The following CCDC191 variants were observed in gnomAD, a reference collection of about 807,000 sequenced individuals.
CCDC191 encodes coiled-coil domain-containing protein 191.
In CCDC191, 99 loss-of-function variants were observed where a neutral mutation model predicts 114.0. That is an observed-to-expected ratio of 0.87 (90% confidence interval 0.74 to 1.03). The LOEUF (loss-of-function observed/expected upper bound fraction) is 1.03. Ranked by LOEUF, CCDC191 falls within the 50% of genes least tolerant of loss-of-function variation. CCDC191 has a pLI of 0.00. For synonymous variants in CCDC191, 351 were observed against 376.0 expected, an observed-to-expected ratio of 0.93 and a Z score of 0.77; for missense variants, 973 against 1,087.0, an observed-to-expected ratio of 0.90 and a Z score of 1.47.
chr3:113,978,780 A>G (rs2075030827), intron 15 of CCDC191, 78 bp downstream of exon 15: 1 of 1,470,800 alleles, frequency 6.8e-7, no homozygotes, highest in Non-Finnish European at 9.3e-7. Flanking sequence ...GACCCTGGAC[A>G]TTCTGGATTT....
chr3:114,018,943 C>T lies in CCDC191; in HGVS notation c.973-75G>A, dbSNP rs911775737. On this transcript the variant is annotated intron_variant, in intron 7 of 16. Transcript: ENST00000295878. ...TAATATCTAACACTGACAGCCCTCT[C>T]CTCAGATTTTCCCCTCACACTTTTA... The T allele has an allele frequency of 4.5e-6, 6 of 1,337,676 alleles. No individual in the cohort carries two copies. In the Admixed American group the frequency reaches 1.3e-4, roughly 28 times the overall value. The allele number at this position is 1,337,676 out of a possible 1,614,324, so 82.9% of individuals were successfully genotyped here.
In CCDC191 at chr3:114,019,387, A is replaced by G. The variant is rs79562287; in HGVS notation, c.973-519T>C. 1.7e-3 allele frequency among the ~76,000 whole-genome samples: 261 copies of G among 152,254 alleles called. 5 individuals carry two copies. In the East Asian group the frequency reaches 0.027, roughly 16 times the overall value. On this transcript the variant is annotated intron_variant, in intron 7 of 16. Transcript: ENST00000295878. ...AAAATCAGCTGGGCTACTACCACTGACCACTTTAGGGCTTTGGTGAGTCTA... is the reference window on the plus strand; with the variant it reads ...AAAATCAGCTGGGCTACTACCACTGGCCACTTTAGGGCTTTGGTGAGTCTA...
chr3:114,003,221 T>C (rs1401368255), intron 11 of CCDC191: 1 of 985,406 alleles, frequency 1.0e-6, no homozygotes, highest in Non-Finnish European at 1.2e-6. Context: ...TATGACTCTA[T>C]AATCAGTTGG....
intron 7 of CCDC191, among the ~76,000 whole-genome samples, chr3:114,023,049 T>C (rs1022700569): frequency 5.3e-5 from 8 of 152,154 alleles, no homozygotes; most frequent in Non-Finnish European, 8.8e-5. Context: ...ACCATAAGCA[T>C]TGTTATACAC....
At position 113,978,160 on chromosome 3, in the gene CCDC191, A is replaced by G. The variant is rs372003519; in HGVS notation, c.2606+26T>C. The G allele has an allele frequency of 3.7e-5, 59 of 1,612,942 alleles. No homozygotes were observed. In the South Asian group the frequency reaches 5.8e-4, roughly 16 times the overall value. Reference sequence around the variant, plus strand: ...TGAGCAATTGTGAAGTCAGAGAGTGAATTTTCCTCACTATCAAAACCTCAC... The same window carrying G: ...TGAGCAATTGTGAAGTCAGAGAGTGGATTTTCCTCACTATCAAAACCTCAC... On this transcript the variant is annotated intron_variant, in intron 16 of 16. Transcript: ENST00000295878.
intron 13 of CCDC191, among the ~76,000 whole-genome samples, chr3:113,998,596 C>T (rs536636148): frequency 3.9e-5 from 6 of 152,274 alleles, no homozygotes; most frequent in African/African-American, 1.4e-4. Context: ...GCTGACCTGA[C>T]TAAAGGCACT....
intron 13 of CCDC191, among the ~76,000 whole-genome samples, chr3:113,995,044 T>A (rs1238451809): frequency 6.6e-6 from 1 of 152,350 alleles, no homozygotes; most frequent in African/African-American, 2.4e-5. Context: ...ACCGAGCTTT[T>A]GACTCCTGCA....
At chr3:114,003,368 C>G (rs2075889910) in intron 11 of CCDC191, 2 of 985,098 alleles carry the variant, frequency 2.0e-6, no homozygotes, top group African/African-American at 3.5e-5. Flanking sequence ...AATTAATAAA[C>G]AAAAAACTCA....
intron 13 of CCDC191, among the ~76,000 whole-genome samples, chr3:113,988,144 AAAG>A (rs778136760): frequency 3.3e-5 from 5 of 151,810 alleles, no homozygotes; most frequent in Non-Finnish European, 7.4e-5. Context: ...GGTAGGGAAA[AAAG>A]AAAAACAAAG....
At chr3:113,999,899 T>C (rs1324110431) in intron 13 of CCDC191, among the ~76,000 whole-genome samples, 1 of 152,248 alleles carries the variant, frequency 6.6e-6, no homozygotes, top group East Asian at 1.9e-4. Context: ...AGAGTAAACA[T>C]CACACAAGGA....
intron 7 of CCDC191, among the ~76,000 whole-genome samples, chr3:114,030,365 T>C (rs2076387833): frequency 1.3e-5 from 2 of 152,288 alleles, no homozygotes; most frequent in Admixed American, 1.3e-4. Context: ...CATGGTATTT[T>C]TTCCTTATGT....
At chr3:114,004,133 C>CA in intron 11 of CCDC191, 2 of 956,834 alleles carry the variant, frequency 2.1e-6, no homozygotes, top group Non-Finnish European at 1.2e-6. Context: ...CTAGATGCAT[C>CA]AAAAATGTTA....
chr3:113,995,794 C>T (rs1256276041), intron 13 of CCDC191, among the ~76,000 whole-genome samples: 6 of 152,282 alleles, frequency 3.9e-5, no homozygotes, highest in African/African-American at 1.4e-4. Context: ...TCTTTTGTTT[C>T]TTGACTTTTT....
chr3:114,053,937 G>A (rs1370155518), intron 1 of CCDC191, among the ~76,000 whole-genome samples: 1 of 151,610 alleles, frequency 6.6e-6, no homozygotes, highest in Non-Finnish European at 1.5e-5. Flanking sequence ...CCTCCTTAGG[G>A]TTAAGAGTCA....
intron 1 of CCDC191, among the ~76,000 whole-genome samples, chr3:114,055,455 A>T (rs960820811): frequency 9.2e-5 from 14 of 152,250 alleles, no homozygotes; most frequent in Non-Finnish European, 1.8e-4. Flanking sequence ...CTAGGGCAAC[A>T]TATTTGTCAT....
intron 6 of CCDC191, 48 bp from the exon 7 acceptor site, chr3:114,031,827 AAATGAGCAATTAC>A (rs1475475072): frequency 1.2e-5 from 10 of 862,814 alleles, no homozygotes; most frequent in Non-Finnish European, 1.8e-5. Context: ...ATAGATTTAA[AAATGAGCAATTAC>A]AACCTACTGT....
Position 114,004,736 on chromosome 3 carries a change from C to A in CCDC191, c.1879G>T (p.Ala627Ser), listed in dbSNP as rs754789035. ...CTTCTGCCTTCAGTCCCAGGGGAAGCAACAGGTGAACTAGGGAAAAAATAA... is the reference window on the plus strand; with the variant it reads ...CTTCTGCCTTCAGTCCCAGGGGAAGAAACAGGTGAACTAGGGAAAAAATAA... The part of the protein sequence containing the change: ...TCQMLVNSPV[A>S]SPGTEGRSDS... Residue 627 changes from alanine (A) to serine (S), a missense_variant, in exon 11 of 17, where the codon GCT becomes TCT. Physicochemically the swap from Ala to Ser is moderately conservative, Grantham distance 99. Transcript: ENST00000295878. 1 of 1,609,112 alleles carries A rather than the reference C, an allele frequency of 6.2e-7. No individual in the cohort carries two copies. Among genetic ancestry groups the A allele is most frequent in the African/African-American group, 1.3e-5 (1 of 74,340 alleles).
chr3:114,001,735 A>G (rs1195803928), intron 12 of CCDC191, 39 bp from the exon 13 acceptor site: 1 of 1,610,800 alleles, frequency 6.2e-7, no homozygotes, highest in African/African-American at 1.3e-5. Flanking sequence ...AGAACCCTCA[A>G]TTTGAACAGA....
At chr3:113,978,088 C>T (rs957950316) in intron 16 of CCDC191, 98 bp downstream of exon 16, 1 of 1,375,232 alleles carries the variant, frequency 7.3e-7, no homozygotes, top group African/African-American at 1.4e-5. Flanking sequence ...GCTCTCCTAG[C>T]CTCCAGCTCA....
Sources: gnomAD v4.1 joint callset for allele counts (sites outside exome capture counted in the v4.1 genomes callset) on GRCh38, gnomAD v4.1.1 for gene constraint, MANE v1.5 for transcripts, NCBI Gene and HGNC (gene_info 2026-07-23, HGNC 2026-07-21) for gene names.